Variants in DLC1 observed in about 807,000 individuals in gnomAD.
The protein encoded by DLC1 is rho GTPase-activating protein 7.
In DLC1, 54 loss-of-function variants were observed where a neutral mutation model predicts 140.3. That is an observed-to-expected ratio of 0.38 (90% CI 0.31 to 0.48). The LOEUF (loss-of-function observed/expected upper bound fraction) is 0.48, where lower values mean the gene tolerates loss of function less well. DLC1 is among the 20% of genes least tolerant of loss of function. The pLI, the probability that DLC1 is intolerant of heterozygous loss-of-function variation, is 0.96. For missense variants in DLC1, 2,536 were observed against 1,907.0 expected (o/e 1.33, Z -6.14); for synonymous variants, 986 against 728.1 (o/e 1.35, Z -5.70).
At chr8:13,388,857 G>A (rs1434853698) in intron 4 of DLC1, among the ~76,000 whole-genome samples, 1 of 152,032 alleles carries the variant, frequency 6.6e-6, no homozygotes, top group African/African-American at 2.4e-5. Flanking sequence ...TATGCTTGGA[G>A]GAGCCAGCCA....
intron 5 of DLC1, among the ~76,000 whole-genome samples, chr8:13,160,703 G>A (rs928789230): frequency 6.6e-6 from 1 of 152,190 alleles, no homozygotes; most frequent in Non-Finnish European, 1.5e-5. Context: ...TTTGATTAGG[G>A]ACGGCAGGGA....
intron 4 of DLC1, among the ~76,000 whole-genome samples, chr8:13,383,325 C>T (rs907122778): frequency 2.0e-5 from 3 of 152,130 alleles, no homozygotes; most frequent in African/African-American, 7.2e-5. Context: ...GGTTGTTATT[C>T]CATATCTGCC....
At chr8:13,492,663 G>T (rs2117171246) in intron 2 of DLC1, among the ~76,000 whole-genome samples, 1 of 152,114 alleles carries the variant, frequency 6.6e-6, no homozygotes, top group East Asian at 1.9e-4. Flanking sequence ...CTGCTAACTG[G>T]CTCATGGTGG....
At chr8:13,226,564 G>A (rs1828802943) in intron 5 of DLC1, among the ~76,000 whole-genome samples, 1 of 152,184 alleles carries the variant, frequency 6.6e-6, no homozygotes. Flanking sequence ...TCTCTTAGCA[G>A]GTCACTAGTC....
chr8:13,422,721 G>A (rs916121636), intron 2 of DLC1, among the ~76,000 whole-genome samples: 6 of 151,496 alleles, frequency 4.0e-5, no homozygotes, highest in African/African-American at 1.5e-4. Context: ...CAATAATATA[G>A]TATACACAAG....
intron 5 of DLC1, among the ~76,000 whole-genome samples, chr8:13,268,976 G>C (rs1018340820): frequency 3.6e-4 from 53 of 148,312 alleles, no homozygotes; most frequent in Admixed American, 1.4e-4. Context: ...CCGGGTTCAC[G>C]CCATTCTCCT....
rs1802093196 is a variant in DLC1, at chr8:13,506,608, T to TATATATATATATAC, written c.-125-6413_-125-6412insGTATATATATATAT. Among the ~76,000 whole-genome samples, 7 of 137,918 alleles carry TATATATATATATAC rather than the reference T, an allele frequency of 5.1e-5. 1 individual carries two copies. In the South Asian group the frequency reaches 6.9e-4, roughly 14 times the overall value. 90.5% of individuals were successfully genotyped at this position (137,918 alleles called of 152,430 possible). ...ATATATATATATATATATATATATA[T>TATATATATATATAC]ACACATATATATACACACAGAGAGA... is the stretch of plus-strand genomic sequence containing the variant. On this transcript the variant is annotated intron_variant, in intron 1 of 17. Transcript: ENST00000276297.
intron 5 of DLC1, among the ~76,000 whole-genome samples, chr8:13,151,253 C>T (rs1484907527): frequency 2.0e-5 from 3 of 152,152 alleles, no homozygotes; most frequent in African/African-American, 4.8e-5. Flanking sequence ...AATGAATTAC[C>T]AGTAAAAACA....
At chr8:13,311,903 G>A (rs191761418) in intron 4 of DLC1, among the ~76,000 whole-genome samples, 87 of 152,206 alleles carry the variant, frequency 5.7e-4, no homozygotes, top group African/African-American at 2.0e-3. Flanking sequence ...TGTATTTAAA[G>A]CTGGTGACTC....
intron 2 of DLC1, among the ~76,000 whole-genome samples, chr8:13,439,724 A>G (rs1798394503): frequency 6.6e-6 from 1 of 152,304 alleles, no homozygotes; most frequent in Admixed American, 6.5e-5. Flanking sequence ...CGAGACTTCC[A>G]CAGAGAAGCA....
At chr8:13,542,872 C>T (rs73665141) in intron 1 of DLC1, among the ~76,000 whole-genome samples, 78 of 151,744 alleles carry the variant, frequency 5.1e-4, no homozygotes, top group African/African-American at 1.6e-3. Flanking sequence ...TTGTTGATTC[C>T]CTATGAGTTT....
chr8:13,129,815 G>C (rs142486778), intron 5 of DLC1, among the ~76,000 whole-genome samples: 2 of 152,334 alleles, frequency 1.3e-5, no homozygotes, highest in East Asian at 3.9e-4. Context: ...CAGGGAGGAA[G>C]GGGAAACATC....
chr8:13,368,134 G>C (rs1012057898), intron 4 of DLC1, among the ~76,000 whole-genome samples: 2 of 152,132 alleles, frequency 1.3e-5, no homozygotes, highest in Non-Finnish European at 2.9e-5. Context: ...GGAAAAGAAA[G>C]TTAGAGCTCT....
At position 13,368,588 on chromosome 8, in the gene DLC1, G is replaced by A. The variant is rs183789710; in HGVS notation, c.1314+24965C>T. On this transcript the variant is annotated intron_variant, in intron 4 of 17. Coordinates refer to ENST00000276297, the MANE Select transcript of DLC1 (RefSeq NM_182643.3). ...CAGAATGCCAGTGTTCTGTCAGAGAGAATTTTCCATTTGAGCCACAGTTAT... is the reference window on the plus strand; with the variant it reads ...CAGAATGCCAGTGTTCTGTCAGAGAAAATTTTCCATTTGAGCCACAGTTAT... 1.6e-3 allele frequency among the ~76,000 whole-genome samples: 249 copies of A among 151,658 alleles called. 1 individual carries two copies. Among genetic ancestry groups the A allele is most frequent in the Non-Finnish European group, 2.6e-3 (176 of 67,932 alleles).
chr8:13,556,457 G>A (rs531028830), intron 1 of DLC1, among the ~76,000 whole-genome samples: 2 of 152,334 alleles, frequency 1.3e-5, no homozygotes, highest in South Asian at 2.1e-4. Context: ...TGATTCTAAT[G>A]TATAGCAAAA....
At chr8:13,359,531 T>A (rs141934884) in intron 4 of DLC1, among the ~76,000 whole-genome samples, 52 of 152,230 alleles carry the variant, frequency 3.4e-4, no homozygotes, top group African/African-American at 1.2e-3. Flanking sequence ...TTTAAGCTGG[T>A]TTAGCAAAGT....
chr8:13,422,369 G>C (rs1390078471), intron 2 of DLC1, among the ~76,000 whole-genome samples: 5 of 151,254 alleles, frequency 3.3e-5, no homozygotes, highest in Non-Finnish European at 5.9e-5. Context: ...AGTAAAAGTA[G>C]TATTTCAACA....
intron 7 of DLC1, among the ~76,000 whole-genome samples, chr8:13,107,167 T>TAGTC (rs1234898012): frequency 3.3e-5 from 5 of 152,216 alleles, no homozygotes; most frequent in African/African-American, 1.2e-4. Flanking sequence ...AAAAAATCTA[T>TAGTC]AGTCCCACAC....
intron 5 of DLC1, among the ~76,000 whole-genome samples, chr8:13,302,381 A>C (rs1464597628): frequency 6.6e-6 from 1 of 152,172 alleles, no homozygotes; most frequent in South Asian, 2.1e-4. Context: ...CTGAATCCAT[A>C]AAAGGCTGTT....
Sources: allele counts gnomAD v4.1 joint callset (sites outside exome capture counted in the v4.1 genomes callset), GRCh38; gene constraint gnomAD v4.1.1; transcripts MANE v1.5; gene names NCBI Gene and HGNC (gene_info 2026-07-23, HGNC 2026-07-21).